Variants in ATXN1 observed in about 807,000 individuals in gnomAD.
ATXN1 encodes ataxin 1.
In ATXN1, 8 loss-of-function variants were observed where a neutral mutation model predicts 56.4. The observed-to-expected ratio is 0.14, with a 90% CI of 0.08 to 0.26. The LOEUF is 0.26. ATXN1 is among the 10% of genes least tolerant of loss of function. ATXN1 has a pLI of 1.00. For missense variants in ATXN1, 987 were observed against 1,106.5 expected, an observed-to-expected ratio of 0.89 and a Z score of 1.53; for synonymous variants, 514 against 494.6, an observed-to-expected ratio of 1.04 and a Z score of -0.52.
chr6:16,423,976 G>A (rs1430838013), intron 6 of ATXN1, among the ~76,000 whole-genome samples: 1 of 152,202 alleles, frequency 6.6e-6, no homozygotes, highest in Admixed American at 6.5e-5. Context: ...TGTGCCTATA[G>A]CAGTTTGTAG....
chr6:16,703,912 G>A (rs893161565), intron 2 of ATXN1, among the ~76,000 whole-genome samples: 10 of 152,256 alleles, frequency 6.6e-5, no homozygotes, highest in Non-Finnish European at 1.2e-4. Flanking sequence ...CCAGCTACCC[G>A]GGAGCCTGAG....
At chr6:16,397,194 A>T (rs1242754673) in intron 6 of ATXN1, among the ~76,000 whole-genome samples, 1 of 152,178 alleles carries the variant, frequency 6.6e-6, no homozygotes. Flanking sequence ...ATATTACAGA[A>T]ATCAGTAAAT....
At chr6:16,460,410 C>T (rs1183847885) in intron 6 of ATXN1, among the ~76,000 whole-genome samples, 1 of 152,138 alleles carries the variant, frequency 6.6e-6, no homozygotes, top group African/African-American at 2.4e-5. Context: ...GTAGTTGTGG[C>T]AGTGGCTATC....
chr6:16,628,218 C>T (rs1005333921), intron 3 of ATXN1, among the ~76,000 whole-genome samples: 5 of 152,208 alleles, frequency 3.3e-5, no homozygotes, highest in African/African-American at 1.2e-4. Flanking sequence ...ATGACCCAAA[C>T]TCCAAATTCA....
At chr6:16,465,197 T>C (rs2113631552) in intron 6 of ATXN1, among the ~76,000 whole-genome samples, 1 of 152,330 alleles carries the variant, frequency 6.6e-6, no homozygotes, top group East Asian at 1.9e-4. Flanking sequence ...GTGTGGTAGC[T>C]GATGCCTGTA....
At chr6:16,404,597 G>A (rs1215022067) in intron 6 of ATXN1, among the ~76,000 whole-genome samples, 1 of 152,224 alleles carries the variant, frequency 6.6e-6, no homozygotes, top group Non-Finnish European at 1.5e-5. Context: ...ACCAGAGTCT[G>A]CCTGGTAAAG....
At chr6:16,723,669 C>T (rs1209105293) in intron 2 of ATXN1, among the ~76,000 whole-genome samples, 1 of 152,108 alleles carries the variant, frequency 6.6e-6, no homozygotes, top group Non-Finnish European at 1.5e-5. Context: ...AAGATAATTA[C>T]ACAATTTCAA....
intron 6 of ATXN1, among the ~76,000 whole-genome samples, chr6:16,351,091 A>G (rs1581707892): frequency 6.6e-6 from 1 of 152,198 alleles, no homozygotes; most frequent in Admixed American, 6.5e-5. Context: ...CCTGTCTCAA[A>G]AAATAAAGAA....
At position 16,300,555 on chromosome 6, in the gene ATXN1, C is replaced by CTCTT. The variant is rs2113362085; in HGVS notation, c.*5770_*5773dup. The stretch of plus-strand genomic sequence containing the variant: ...GAAGATGCTCCGTATTTATTCTGGC[C>CTCTT]TCTTTATATTAAATAAAAATCAAAA... On this transcript the variant is annotated 3_prime_UTR_variant, in exon 8 of 8. Transcript: ENST00000436367. 1 of 152,310 alleles carries CTCTT rather than the reference C, an allele frequency of 6.6e-6. No homozygotes were observed. The highest frequency in any genetic ancestry group is 2.1e-4 in the South Asian group (1 of 4,822). 9.4% of individuals were successfully genotyped at this position (152,310 alleles called of 1,614,324 possible).
chr6:16,405,611 G>A (rs899445616), intron 6 of ATXN1, among the ~76,000 whole-genome samples: 8 of 152,176 alleles, frequency 5.3e-5, no homozygotes, highest in Non-Finnish European at 8.8e-5. Context: ...GAATGGAAGC[G>A]ATTTCAGAGA....
rs543543141 is a variant in ATXN1 at position 16,737,885 on chromosome 6, A to G, written c.-615+15348T>C. ...AAAAAAAGTAGTTTCTAAGTAAGAAAACAATAAACCCAAGTAGCAAATTAG... is the reference window on the plus strand; with the variant it reads ...AAAAAAAGTAGTTTCTAAGTAAGAAGACAATAAACCCAAGTAGCAAATTAG... On this transcript the variant is annotated intron_variant, in intron 2 of 7. Coordinates refer to ENST00000436367, the MANE Select transcript of ATXN1 (RefSeq NM_001128164.2). 4 of 152,362 alleles carry G rather than the reference A, an allele frequency of 2.6e-5. No homozygotes were observed. The South Asian group carries it at 8.3e-4, about 32-fold the overall frequency. 9.4% of individuals were successfully genotyped at this position (152,362 alleles called of 1,614,324 possible).
At chr6:16,468,999 T>A (rs1760164166) in intron 6 of ATXN1, among the ~76,000 whole-genome samples, 1 of 152,340 alleles carries the variant, frequency 6.6e-6, no homozygotes, top group African/African-American at 2.4e-5. Flanking sequence ...AGTTAGATTT[T>A]AAGGTTTCTA....
At chr6:16,481,773 T>C (rs767911788) in intron 6 of ATXN1, among the ~76,000 whole-genome samples, 1 of 152,124 alleles carries the variant, frequency 6.6e-6, no homozygotes, top group East Asian at 1.9e-4. Flanking sequence ...AGCCCCTTTC[T>C]AGGGAGATAC....
chr6:16,711,205 G>A (rs115725050), intron 2 of ATXN1, among the ~76,000 whole-genome samples: 8,107 of 152,186 alleles, frequency 0.053, 308 homozygotes, highest in Admixed American at 0.12. Context: ...AATAATTGTT[G>A]TTTCATACAT....
intron 6 of ATXN1, among the ~76,000 whole-genome samples, chr6:16,454,395 G>T (rs1206011100): frequency 6.6e-6 from 1 of 152,142 alleles, no homozygotes; most frequent in Non-Finnish European, 1.5e-5. Context: ...CATCTGGGCA[G>T]CAGCATAATT....
intron 3 of ATXN1, among the ~76,000 whole-genome samples, chr6:16,642,608 A>G (rs546542490): frequency 1.3e-5 from 2 of 152,378 alleles, no homozygotes; most frequent in African/African-American, 4.8e-5. Flanking sequence ...CATACTACAG[A>G]GAAATCTTTC....
intron 3 of ATXN1, among the ~76,000 whole-genome samples, chr6:16,592,607 G>C (rs932986419): frequency 1.3e-5 from 2 of 152,012 alleles, no homozygotes; most frequent in Non-Finnish European, 2.9e-5. Context: ...GATTTTCTAG[G>C]CTTTTGGTAG....
At chr6:16,366,433 A>C (rs1561868818) in intron 6 of ATXN1, among the ~76,000 whole-genome samples, 1 of 152,156 alleles carries the variant, frequency 6.6e-6, no homozygotes, top group Non-Finnish European at 1.5e-5. Context: ...GGCCTCTTGG[A>C]TTTTGTTAGT....
intron 6 of ATXN1, among the ~76,000 whole-genome samples, chr6:16,482,368 T>C (rs796081007): frequency 2.0e-5 from 3 of 152,184 alleles, no homozygotes; most frequent in Non-Finnish European, 4.4e-5. Flanking sequence ...TGCAGACTAG[T>C]TGAGGAGACT....
Sources: allele counts gnomAD v4.1 joint callset (sites outside exome capture counted in the v4.1 genomes callset), GRCh38; gene constraint gnomAD v4.1.1; transcripts MANE v1.5; gene names NCBI Gene and HGNC (gene_info 2026-07-23, HGNC 2026-07-21).